The following CDH18 variants were observed in gnomAD, a reference collection of about 807,000 sequenced individuals.
CDH18 encodes the protein cadherin-18.
CDH18 carries 31 observed loss-of-function variants against 67.9 expected under a neutral mutation model. The ratio of observed to expected loss-of-function variants is 0.46; its 90% CI spans 0.34 to 0.62. The LOEUF is 0.62. CDH18 is among the 20% of genes least tolerant of loss of function. The probability of loss-of-function intolerance (pLI) is 0.01; values close to 1 mark genes in which losing one functional copy is unlikely to be tolerated. For synonymous variants in CDH18, 362 were observed against 347.2 expected (o/e 1.04, Z -0.48); for missense variants, 890 against 975.5 (o/e 0.91, Z 1.17).
chr5:19,514,698 AT>A (rs1318646842), intron 10 of CDH18, among the ~76,000 whole-genome samples: 4 of 151,542 alleles, frequency 2.6e-5, no homozygotes, highest in Non-Finnish European at 5.9e-5. Flanking sequence ...GGGTTGTTTG[AT>A]TTTTTCTTGT....
intron 6 of CDH18, among the ~76,000 whole-genome samples, chr5:19,601,750 C>T (rs1747167647): frequency 6.6e-6 from 1 of 151,636 alleles, no homozygotes; most frequent in African/African-American, 2.4e-5. Context: ...GAATGTACAC[C>T]ATGAGCAATT....
intron 10 of CDH18, among the ~76,000 whole-genome samples, chr5:19,506,780 T>A (rs1355051847): frequency 3.9e-5 from 6 of 152,034 alleles, no homozygotes; most frequent in Non-Finnish European, 5.9e-5. Flanking sequence ...CTTAAATGTT[T>A]GACCTAAAAC....
At chr5:19,640,592 C>T (rs1753858769) in intron 5 of CDH18, among the ~76,000 whole-genome samples, 1 of 151,942 alleles carries the variant, frequency 6.6e-6, no homozygotes, top group Admixed American at 6.6e-5. Flanking sequence ...TTTTGAACAA[C>T]TATTCGGTTA....
chr5:20,369,893 T>C (rs2150083057), intron 1 of CDH18, among the ~76,000 whole-genome samples: 1 of 152,288 alleles, frequency 6.6e-6, no homozygotes, highest in African/African-American at 2.4e-5. Context: ...AGTTCTGGGG[T>C]ACACGTGTAG....
intron 3 of CDH18, among the ~76,000 whole-genome samples, chr5:19,747,836 C>T (rs1001895112): frequency 2.0e-4 from 31 of 151,346 alleles, no homozygotes; most frequent in Admixed American, 1.8e-3. Flanking sequence ...TGGCCAGGCA[C>T]GGTGGTTCAC....
chr5:19,689,242 T>C (rs939741805), intron 5 of CDH18, among the ~76,000 whole-genome samples: 2 of 152,006 alleles, frequency 1.3e-5, no homozygotes, highest in Admixed American at 6.6e-5. Flanking sequence ...AAATGTCAAA[T>C]GCAAATACAA....
chr5:20,279,865 G>C (rs1239310783), intron 1 of CDH18, among the ~76,000 whole-genome samples: 2 of 152,022 alleles, frequency 1.3e-5, no homozygotes, highest in African/African-American at 2.4e-5. Context: ...TATAGACTAA[G>C]TGGACCTAAT....
intron 2 of CDH18, among the ~76,000 whole-genome samples, chr5:20,013,216 C>T (rs577021500): frequency 2.6e-5 from 4 of 152,196 alleles, no homozygotes; most frequent in Admixed American, 2.0e-4. Flanking sequence ...ATTGATTCAT[C>T]TGCTTTCAGG....
chr5:19,611,255 C>T (rs1277694437), intron 6 of CDH18, among the ~76,000 whole-genome samples: 1 of 152,012 alleles, frequency 6.6e-6, no homozygotes, highest in Non-Finnish European at 1.5e-5. Flanking sequence ...ATTAGTATAA[C>T]ATGAACAAGC....
chr5:19,922,847 G>T (rs912948313), intron 2 of CDH18, among the ~76,000 whole-genome samples: 16 of 151,986 alleles, frequency 1.1e-4, no homozygotes, highest in African/African-American at 3.4e-4. Context: ...TACTCAAGAC[G>T]CTCCTGCATT....
intron 1 of CDH18, among the ~76,000 whole-genome samples, chr5:20,276,953 G>T (rs558690946): frequency 6.6e-6 from 1 of 152,236 alleles, no homozygotes; most frequent in Non-Finnish European, 1.5e-5. Context: ...GGAGGAAGGA[G>T]TAGGAAGGAC....
At chr5:19,569,763 A>C (rs982523776) in intron 8 of CDH18, among the ~76,000 whole-genome samples, 2 of 152,130 alleles carry the variant, frequency 1.3e-5, no homozygotes, top group Non-Finnish European at 2.9e-5. Flanking sequence ...AAACAGCTAG[A>C]AGATAATGAT....
chr5:19,589,372 C>T (rs926839167), intron 7 of CDH18, among the ~76,000 whole-genome samples: 2 of 152,052 alleles, frequency 1.3e-5, no homozygotes, highest in Admixed American at 6.6e-5. Context: ...CGTTTTCATG[C>T]TTGTTTCTTA....
chr5:20,090,273 A>G (rs1745306131), intron 2 of CDH18, among the ~76,000 whole-genome samples: 1 of 152,200 alleles, frequency 6.6e-6, no homozygotes, highest in Admixed American at 6.5e-5. Context: ...GCACTGGCTC[A>G]TGCCCATAAT....
intron 3 of CDH18, among the ~76,000 whole-genome samples, chr5:19,765,396 A>C (rs201921415): frequency 8.4e-6 from 1 of 118,794 alleles, no homozygotes; most frequent in Non-Finnish European, 2.1e-5. Flanking sequence ...TTCTTTTTTT[A>C]TTTTTTTTTT....
At chr5:20,090,171 A>G (rs1475243689) in intron 2 of CDH18, among the ~76,000 whole-genome samples, 3 of 152,220 alleles carry the variant, frequency 2.0e-5, no homozygotes, top group African/African-American at 7.2e-5. Flanking sequence ...GGATCTTTGA[A>G]AAAACTATTT....
At chr5:19,716,877 A>G (rs1316491002) in intron 5 of CDH18, among the ~76,000 whole-genome samples, 1 of 152,078 alleles carries the variant, frequency 6.6e-6, no homozygotes, top group African/African-American at 2.4e-5. Context: ...ATATTCTTAC[A>G]TTAAGATATG....
At chr5:20,449,793 A>T (rs1750288095) in intron 1 of CDH18, among the ~76,000 whole-genome samples, 1 of 150,818 alleles carries the variant, frequency 6.6e-6, no homozygotes, top group African/African-American at 2.4e-5. Flanking sequence ...AAAATAAGAA[A>T]ACCTTATTAT....
At chr5:20,374,857 A>G (rs1350283378) in intron 1 of CDH18, among the ~76,000 whole-genome samples, 1 of 152,204 alleles carries the variant, frequency 6.6e-6, no homozygotes, top group Admixed American at 6.5e-5. Flanking sequence ...ATTTATTTAA[A>G]CACAAATTAT....
Sources: allele counts gnomAD v4.1 joint callset (sites outside exome capture counted in the v4.1 genomes callset), GRCh38; gene constraint gnomAD v4.1.1; transcripts MANE v1.5; gene names NCBI Gene and HGNC (gene_info 2026-07-23, HGNC 2026-07-21).